Variants in GCN1 observed in about 807,000 individuals in gnomAD.
GCN1 encodes stalled ribosome sensor GCN1.
A neutral mutation model predicts 288.4 loss-of-function variants in GCN1; 90 were observed. The ratio of observed to expected loss-of-function variants is 0.31; its 90% CI spans 0.26 to 0.37. The LOEUF (loss-of-function observed/expected upper bound fraction) is 0.37. Ranked by LOEUF, GCN1 falls within the 10% of genes least tolerant of loss-of-function variation. The probability of loss-of-function intolerance (pLI) is 1.00; values close to 1 mark genes in which losing one functional copy is unlikely to be tolerated. For synonymous variants in GCN1, 1,386 were observed against 1,420.2 expected, an observed-to-expected ratio of 0.98 and a Z score of 0.54; for missense variants, 2,586 against 3,419.9, an observed-to-expected ratio of 0.76 and a Z score of 6.08.
chr12:120,156,696 C>CAGTGCTGT lies in GCN1; in HGVS notation c.3169-93_3169-92insACAGCACT. The CAGTGCTGT allele has an allele frequency of 7.7e-7, 1 of 1,304,868 alleles. No individual in the cohort carries two copies. Among genetic ancestry groups the CAGTGCTGT allele is most frequent in the East Asian group, 2.3e-5 (1 of 42,616 alleles). The allele number at this position is 1,304,868 out of a possible 1,614,324, so 80.8% of individuals were successfully genotyped here. A position where few individuals can be genotyped will look rare whatever the true frequency, so the allele number is the denominator to read the frequency against. On this transcript the variant is annotated intron_variant, in intron 27 of 57. Transcript: ENST00000300648. The surrounding 1 kb of genome is among the most constrained non-coding windows in gnomAD (Gnocchi z 5.8). Reference sequence around the variant, plus strand: ...TATGCACTGAGAACACCCACCCCTACAGCACTGCAAGGGCTAAGACCCCAG... The same window carrying CAGTGCTGT: ...TATGCACTGAGAACACCCACCCCTACAGTGCTGTAGCACTGCAAGGGCTAAGACCCCAG...
rs202072574 is a variant in GCN1 at position 120,173,697 on chromosome 12, G to A, written c.1322C>T (p.Ala441Val). Residue 441 changes from alanine (A) to valine (V), a missense_variant, in exon 14 of 58, where the codon GCG becomes GTG. Transcript: ENST00000300648. ...GCACTGCAGGTAGGCATGCCTCACCGCAGATGTGGAGGTTTTAAGGCTGAA... is the reference window on the plus strand; with the variant it reads ...GCACTGCAGGTAGGCATGCCTCACCACAGATGTGGAGGTTTTAAGGCTGAA... ...KAFSLKTSTSAVRHAYLQCML... is the reference protein window; with the variant it reads ...KAFSLKTSTSVVRHAYLQCML... 3.6e-5 allele frequency: 58 copies of A among 1,612,334 alleles called. No individual in the cohort carries two copies. Among genetic ancestry groups the A allele is most frequent in the African/African-American group, 8.0e-5 (6 of 75,014 alleles).
rs1288692369 is a variant in GCN1 at position 120,155,794 on chromosome 12, C to T, written c.3313-75G>A. The stretch of plus-strand genomic sequence containing the variant: ...CTCTGACCTGCCTCCTCACCTCTCT[C>T]TAGGTTGTACTGTCCAAGATGTAGC... On this transcript the variant is annotated intron_variant, in intron 28 of 57. Coordinates refer to ENST00000300648, the MANE Select transcript of GCN1 (RefSeq NM_006836.2). This position sits in a 1 kb window ranked among gnomAD's most constrained non-coding sequence, Gnocchi z 4.9. 1 of 1,454,890 alleles carries T rather than the reference C, an allele frequency of 6.9e-7. No homozygotes were observed. The highest frequency in any genetic ancestry group is 1.4e-5 in the African/African-American group (1 of 71,554). 90.1% of individuals were successfully genotyped at this position (1,454,890 alleles called of 1,614,324 possible).
Position 120,155,513 on chromosome 12 carries a change from G to A in GCN1, c.3440+79C>T, listed in dbSNP as rs1877716801. The A allele has an allele frequency of 6.2e-7, 1 of 1,601,118 alleles. No homozygotes were observed. Among genetic ancestry groups the A allele is most frequent in the East Asian group, 2.2e-5 (1 of 44,800 alleles). On this transcript the variant is annotated intron_variant, in intron 29 of 57. Coordinates refer to ENST00000300648, the MANE Select transcript of GCN1 (RefSeq NM_006836.2). The surrounding 1 kb of genome is among the most constrained non-coding windows in gnomAD (Gnocchi z 4.9). Reference sequence around the variant, plus strand: ...CAGCCCAGCCCTTCTTCCCACTGGAGGCTGAGCACACTGGGTTCAGTTATT... The same window carrying A: ...CAGCCCAGCCCTTCTTCCCACTGGAAGCTGAGCACACTGGGTTCAGTTATT...
intron 53 of GCN1, 62 bp from the exon 54 acceptor site, chr12:120,132,084 A>C: frequency 9.0e-7 from 1 of 1,105,208 alleles, no homozygotes; most frequent in Non-Finnish European, 1.4e-6. Flanking sequence ...GTGGGAACCA[A>C]GGCAGGCAGC....
chr12:120,177,178 T>A (rs1878506146), intron 9 of GCN1, among the ~76,000 whole-genome samples: 1 of 152,090 alleles, frequency 6.6e-6, no homozygotes, highest in Non-Finnish European at 1.5e-5. Flanking sequence ...TCCTCCCACA[T>A]CAGCCTCCCG....
At chr12:120,165,581 C>T (rs984880184) in intron 16 of GCN1, among the ~76,000 whole-genome samples, 2 of 152,208 alleles carry the variant, frequency 1.3e-5, no homozygotes, top group Admixed American at 6.5e-5. Context: ...AATTCTCCTG[C>T]CTCAGCCTCC....
In GCN1 at chr12:120,134,443, TCCA is replaced by T; in HGVS notation, c.7203-41_7203-39del. On this transcript the variant is annotated intron_variant, in intron 52 of 57. Coordinates refer to ENST00000300648, the MANE Select transcript of GCN1 (RefSeq NM_006836.2). This position sits in a 1 kb window ranked among gnomAD's most constrained non-coding sequence, Gnocchi z 5.0. ...TGCACCGCCTTAAGCCCTGGGTGCC[TCCA>T]CCACCACCCCTCCTGCCAGCGCAGG... 1 of 1,586,868 alleles carries T rather than the reference TCCA, an allele frequency of 6.3e-7. No individual in the cohort carries two copies. The highest frequency in any genetic ancestry group is 8.7e-7 in the Non-Finnish European group (1 of 1,155,646).
intron 31 of GCN1, 100 bp downstream of exon 31, chr12:120,154,870 C>G (rs1594271591): frequency 1.6e-6 from 2 of 1,264,010 alleles, no homozygotes; most frequent in East Asian, 4.6e-5. Context: ...GGAGGTCCTG[C>G]TCTTTCATTA....
At chr12:120,162,090 T>C (rs1433486066) in intron 20 of GCN1, 32 bp from the exon 21 acceptor site, 1 of 1,599,440 alleles carries the variant, frequency 6.3e-7, no homozygotes, top group Non-Finnish European at 8.5e-7. Context: ...GGTCAGTGTG[T>C]GCCAAGGCTG....
chr12:120,129,987 C>T (rs948292254), intron 56 of GCN1, among the ~76,000 whole-genome samples: 1 of 152,172 alleles, frequency 6.6e-6, no homozygotes, highest in Non-Finnish European at 1.5e-5. Context: ...GAGGCTCAAT[C>T]GAATCAGGCC....
intron 54 of GCN1, 151 bp from the exon 55 acceptor site, chr12:120,131,484 A>C: frequency 1.4e-6 from 1 of 708,182 alleles, no homozygotes; most frequent in East Asian, 2.6e-5. Flanking sequence ...CCTCCCTGCT[A>C]TCTTGGCAGA....
chr12:120,129,603 C>T, intron 56 of GCN1, 109 bp from the exon 57 acceptor site: 1 of 778,434 alleles, frequency 1.3e-6, no homozygotes, highest in Non-Finnish European at 2.2e-6. Flanking sequence ...CACTGACCCC[C>T]CCTGCTCCTG....
In GCN1 at chr12:120,147,204, G is replaced by A. The variant is rs752705797; in HGVS notation, c.4795C>T (p.Leu1599=). Residue 1599 remains leucine (L), a synonymous_variant, in exon 38 of 58, where the codon CTG becomes TTG. Coordinates refer to ENST00000300648, the MANE Select transcript of GCN1 (RefSeq NM_006836.2). ...AAGTGGACAAACTTGGTGTCCAGCA[G>A]GGTCTGCAAGCACTTCTGGGTCTTC... ...SRKTQKCLQT[L]LDTKFVHFID... 2.2e-5 allele frequency: 35 copies of A among 1,613,284 alleles called. No homozygotes were observed. In the East Asian group the frequency reaches 5.6e-4, roughly 26 times the overall value.
intron 1 of GCN1, 54 bp from the exon 2 acceptor site, chr12:120,190,454 T>C (rs1878968525): frequency 1.1e-6 from 1 of 948,308 alleles, no homozygotes; most frequent in Non-Finnish European, 1.7e-6. Context: ...AAACTATGAG[T>C]GTGTGTGTTG....
chr12:120,151,687 C>G (rs946472073), intron 33 of GCN1, among the ~76,000 whole-genome samples: 1 of 152,216 alleles, frequency 6.6e-6, no homozygotes, highest in African/African-American at 2.4e-5. Context: ...AAGGAAGGGA[C>G]TCTAAAGACT....
chr12:120,134,490 C>G lies in GCN1; in HGVS notation c.7202+43G>C. 1.3e-6 allele frequency: 2 copies of G among 1,595,230 alleles called. No homozygotes were observed. Among genetic ancestry groups the G allele is most frequent in the Non-Finnish European group, 1.7e-6 (2 of 1,163,484 alleles). On this transcript the variant is annotated intron_variant, in intron 52 of 57. Transcript: ENST00000300648. The surrounding 1 kb of genome is among the most constrained non-coding windows in gnomAD (Gnocchi z 5.0). ...GCGCAGGCTCGGCCCACAGCAACCC[C>G]TGGCCTCCTGGAGGCCACAGTGCTC...
At chr12:120,141,469 G>C (rs1397588617) in intron 44 of GCN1, among the ~76,000 whole-genome samples, 1 of 152,198 alleles carries the variant, frequency 6.6e-6, no homozygotes, top group East Asian at 1.9e-4. Context: ...AAGGATGGGG[G>C]GTTGGAAGTA....
intron 16 of GCN1, among the ~76,000 whole-genome samples, chr12:120,164,992 TACACATATATAC>T (rs1278292259): frequency 7.9e-6 from 1 of 126,366 alleles, no homozygotes; most frequent in African/African-American, 3.2e-5. Context: ...TATACATATA[TACACATATATAC>T]ACACACACAC....
chr12:120,138,674 G>C, intron 46 of GCN1, 21 bp downstream of exon 46: 1 of 1,606,742 alleles, frequency 6.2e-7, no homozygotes, highest in African/African-American at 1.3e-5. Context: ...TGGTAGGTAG[G>C]TGTGTGGTAG....
Sources: gnomAD v4.1 joint callset for allele counts (sites outside exome capture counted in the v4.1 genomes callset) on GRCh38, gnomAD v4.1.1 for gene constraint, Gnocchi (gnomAD v3.1) non-coding constraint, MANE v1.5 for transcripts, NCBI Gene and HGNC (gene_info 2026-07-23, HGNC 2026-07-21) for gene names.